The following SGCZ variants were observed in gnomAD, a reference collection of about 807,000 sequenced individuals.
SGCZ encodes the protein zeta-sarcoglycan.
In SGCZ, 40 loss-of-function variants were observed where a neutral mutation model predicts 41.3. The observed-to-expected ratio is 0.97, with a 90% CI of 0.75 to 1.26. The LOEUF (loss-of-function observed/expected upper bound fraction) is 1.26, where lower values mean the gene tolerates loss of function less well. Among genes scored for constraint, SGCZ ranks in the 50% most tolerant of loss-of-function variants. The pLI, the probability that SGCZ is intolerant of heterozygous loss-of-function variation, is 0.00. For missense variants in SGCZ, 552 were observed against 369.8 expected (o/e 1.49, Z -4.04); for synonymous variants, 206 against 137.5 (o/e 1.50, Z -3.49).
chr8:14,239,901 CAAAAAAAAAAAAAAAAAAAAAAAA>C (rs71209029), intron 3 of SGCZ, among the ~76,000 whole-genome samples: 1 of 41,364 alleles, frequency 2.4e-5, no homozygotes, highest in African/African-American at 2.3e-4. Context: ...GACTCCGTCT[CAAAAAAAAAAAAAAAAAAAAAAAA>C]AAAAAAAAAA....
intron 1 of SGCZ, among the ~76,000 whole-genome samples, chr8:14,752,852 G>A (rs557661951): frequency 4.1e-4 from 62 of 152,242 alleles, no homozygotes; most frequent in Admixed American, 1.4e-3. Context: ...TTATGCCAAA[G>A]AATTAAAAAC....
chr8:14,422,713 C>G (rs1799668243), intron 2 of SGCZ, among the ~76,000 whole-genome samples: 1 of 152,116 alleles, frequency 6.6e-6, no homozygotes, highest in Non-Finnish European at 1.5e-5. Flanking sequence ...TAGGACAAGT[C>G]TAGAATAATT....
At chr8:15,114,757 T>G (rs549098272) in intron 1 of SGCZ, among the ~76,000 whole-genome samples, 6 of 123,708 alleles carry the variant, frequency 4.9e-5, no homozygotes, top group African/African-American at 1.5e-4. Context: ...TTTCTTTTTG[T>G]TTTTTTTTTT....
At chr8:15,076,156 T>C (rs1431966454) in intron 1 of SGCZ, among the ~76,000 whole-genome samples, 2 of 152,192 alleles carry the variant, frequency 1.3e-5, no homozygotes, top group Non-Finnish European at 1.5e-5. Context: ...TCTGAAGATA[T>C]TGTGAGCCAT....
intron 4 of SGCZ, among the ~76,000 whole-genome samples, chr8:14,213,356 T>A (rs1805881544): frequency 6.6e-6 from 1 of 152,084 alleles, no homozygotes; most frequent in African/African-American, 2.4e-5. Context: ...GGCAGCCAAT[T>A]TTTCATCAGA....
chr8:14,865,940 T>G (rs568418128), intron 1 of SGCZ, among the ~76,000 whole-genome samples: 1 of 152,268 alleles, frequency 6.6e-6, no homozygotes, highest in East Asian at 1.9e-4. Flanking sequence ...GTCATTAATT[T>G]GCCTCTATAA....
intron 2 of SGCZ, among the ~76,000 whole-genome samples, chr8:14,394,330 T>C (rs1388397783): frequency 6.6e-6 from 1 of 151,942 alleles, no homozygotes; most frequent in African/African-American, 2.4e-5. Flanking sequence ...TTTGTGTTTC[T>C]AACAGAGACT....
intron 3 of SGCZ, among the ~76,000 whole-genome samples, chr8:14,288,547 G>A (rs1443819870): frequency 6.6e-6 from 1 of 152,010 alleles, no homozygotes; most frequent in Non-Finnish European, 1.5e-5. Flanking sequence ...GACCTTTTTG[G>A]TCAGACTTTC....
intron 1 of SGCZ, among the ~76,000 whole-genome samples, chr8:14,896,990 G>A (rs975578885): frequency 6.6e-6 from 1 of 150,848 alleles, no homozygotes; most frequent in Admixed American, 6.6e-5. Context: ...CACCACATTG[G>A]TCAGGCTGGT....
intron 1 of SGCZ, among the ~76,000 whole-genome samples, chr8:15,118,520 T>C (rs1339833784): frequency 3.9e-5 from 6 of 152,250 alleles, no homozygotes; most frequent in African/African-American, 1.4e-4. Flanking sequence ...TCCATCCTTC[T>C]AAGGAATGGG....
At chr8:15,056,348 A>T (rs375660907) in intron 1 of SGCZ, among the ~76,000 whole-genome samples, 2 of 152,224 alleles carry the variant, frequency 1.3e-5, no homozygotes, top group South Asian at 2.1e-4. Context: ...AATGTTAATT[A>T]GAAAAAATAA....
At chr8:14,677,049 G>A (rs1239396503) in intron 1 of SGCZ, among the ~76,000 whole-genome samples, 1 of 151,968 alleles carries the variant, frequency 6.6e-6, no homozygotes, top group East Asian at 1.9e-4. Flanking sequence ...TGACATAATT[G>A]TCTATGTAGA....
intron 1 of SGCZ, among the ~76,000 whole-genome samples, chr8:15,059,648 A>C (rs545061318): frequency 7.1e-6 from 1 of 140,846 alleles, no homozygotes; most frequent in South Asian, 2.2e-4. Context: ...TGTCTTCCTA[A>C]ATTAATGATA....
chr8:14,915,769 G>T (rs1262047162), intron 1 of SGCZ, among the ~76,000 whole-genome samples: 1 of 151,982 alleles, frequency 6.6e-6, no homozygotes, highest in African/African-American at 2.4e-5. Context: ...CTTTTTTGGA[G>T]GTGTCTCTCT....
chr8:15,215,855 A>G (rs1437153583), intron 1 of SGCZ, among the ~76,000 whole-genome samples: 4 of 152,212 alleles, frequency 2.6e-5, no homozygotes, highest in African/African-American at 9.7e-5. Flanking sequence ...CCTGTATGCA[A>G]ACAAAGATAT....
chr8:14,542,715 C>T (rs530972793), intron 2 of SGCZ, among the ~76,000 whole-genome samples: 1 of 151,994 alleles, frequency 6.6e-6, no homozygotes, highest in South Asian at 2.1e-4. Context: ...ATTGTAGAAA[C>T]TTTTGCAGTG....
intron 2 of SGCZ, among the ~76,000 whole-genome samples, chr8:14,330,108 G>C (rs1208895261): frequency 1.3e-5 from 2 of 152,014 alleles, no homozygotes; most frequent in Non-Finnish European, 2.9e-5. Context: ...TTTATATTTA[G>C]AAAATGCTCT....
At chr8:14,653,431 A>C (rs551910342) in intron 1 of SGCZ, among the ~76,000 whole-genome samples, 2 of 152,256 alleles carry the variant, frequency 1.3e-5, no homozygotes, top group African/African-American at 4.8e-5. Context: ...TATATTTTGT[A>C]GTTTATTTCT....
At chr8:15,012,562 CAT>C (rs1438663730) in intron 1 of SGCZ, among the ~76,000 whole-genome samples, 30 of 96,886 alleles carry the variant, frequency 3.1e-4, no homozygotes, top group Non-Finnish European at 1.5e-4. Flanking sequence ...TTATATATAA[CAT>C]ATAAATATAT....
Sources: allele counts gnomAD v4.1 joint callset (sites outside exome capture counted in the v4.1 genomes callset), GRCh38; gene constraint gnomAD v4.1.1; transcripts MANE v1.5; gene names NCBI Gene and HGNC (gene_info 2026-07-23, HGNC 2026-07-21).